Variants in FAF1 observed in about 807,000 individuals in gnomAD.
FAF1 encodes Fas associated factor 1, also known as FAS-associated factor 1.
In FAF1, 25 loss-of-function variants were observed where a neutral mutation model predicts 92.5. That is an observed-to-expected ratio of 0.27 (90% confidence interval 0.20 to 0.38). The LOEUF (loss-of-function observed/expected upper bound fraction) is 0.38, where lower values mean the gene tolerates loss of function less well. Ranked by LOEUF, FAF1 falls within the 10% of genes least tolerant of loss-of-function variation. The pLI is 1.00. For synonymous variants in FAF1, 234 were observed against 273.2 expected, an observed-to-expected ratio of 0.86 and a Z score of 1.42; for missense variants, 636 against 793.3, an observed-to-expected ratio of 0.80 and a Z score of 2.38.
intron 13 of FAF1, among the ~76,000 whole-genome samples, chr1:50,545,620 C>T (rs1648975464): frequency 6.6e-6 from 1 of 151,514 alleles, no homozygotes; most frequent in South Asian, 2.1e-4. Flanking sequence ...ACATTTTTCA[C>T]CTGTCAGATT....
chr1:50,566,581 T>C (rs1650183415), intron 13 of FAF1, among the ~76,000 whole-genome samples: 1 of 152,072 alleles, frequency 6.6e-6, no homozygotes, highest in African/African-American at 2.4e-5. Context: ...TATGGATGTA[T>C]TGTTGGCTGT....
intron 2 of FAF1, among the ~76,000 whole-genome samples, chr1:50,843,884 T>G (rs1644276782): frequency 6.6e-6 from 1 of 152,124 alleles, no homozygotes; most frequent in South Asian, 2.1e-4. Context: ...TTTCCCATAT[T>G]TTGAATATAT....
chr1:50,926,202 A>T (rs1252215268), intron 1 of FAF1, among the ~76,000 whole-genome samples: 1 of 152,166 alleles, frequency 6.6e-6, no homozygotes, highest in African/African-American at 2.4e-5. Context: ...GGGCAACAGA[A>T]AGATCCTGTC....
At chr1:50,481,877 T>C (rs1191215982) in intron 17 of FAF1, among the ~76,000 whole-genome samples, 1 of 151,956 alleles carries the variant, frequency 6.6e-6, no homozygotes, top group African/African-American at 2.4e-5. Context: ...AGGCAGCCAA[T>C]GTGGCGGGAA....
At chr1:50,518,568 G>T (rs1357694280) in intron 15 of FAF1, among the ~76,000 whole-genome samples, 1 of 151,932 alleles carries the variant, frequency 6.6e-6, no homozygotes, top group African/African-American at 2.4e-5. Flanking sequence ...AGCCTCCTGA[G>T]TAGCTGGGAC....
At chr1:50,596,098 G>C in intron 9 of FAF1, 23 bp downstream of exon 9, 1 of 1,579,366 alleles carries the variant, frequency 6.3e-7, no homozygotes. Flanking sequence ...TCTGTTCAAA[G>C]AAAAGCTGGC....
chr1:50,441,479 C>A lies in FAF1; in HGVS notation c.1914G>T (p.Leu638Phe). ...DPNKSLLEVK[L>F]FPQETLFLEA... Reference sequence around the variant, plus strand: ...CAAGGAAAAGGGTTTCTTGAGGGAACAACTTTACCTCCAATAATGATTTAT... The same window carrying A: ...CAAGGAAAAGGGTTTCTTGAGGGAAAAACTTTACCTCCAATAATGATTTAT... The change falls in exon 19 of 19, where the codon TTG becomes TTT. Residue 638 changes from leucine (L) to phenylalanine (F), a missense_variant. Around this residue, in one of 2 missense-constraint regions of FAF1, gnomAD observed 319 missense variants for 451.0 expected, o/e 0.71. Coordinates refer to ENST00000396153, the MANE Select transcript of FAF1 (RefSeq NM_007051.3). 6.5e-7 allele frequency: 1 copy of A among 1,545,984 alleles called. No homozygotes were observed. Among genetic ancestry groups the A allele is most frequent in the South Asian group, 1.2e-5 (1 of 83,626 alleles).
intron 4 of FAF1, among the ~76,000 whole-genome samples, chr1:50,754,346 A>G (rs1006469561): frequency 3.3e-5 from 5 of 152,312 alleles, no homozygotes; most frequent in East Asian, 1.9e-4. Context: ...TTAATCTTGT[A>G]CTAGTACTCT....
chr1:50,862,194 G>A (rs1165082989), intron 1 of FAF1, among the ~76,000 whole-genome samples: 1 of 151,492 alleles, frequency 6.6e-6, no homozygotes, highest in African/African-American at 2.4e-5. Context: ...TACATGTAAA[G>A]TATGCAGAGA....
chr1:50,913,187 G>T (rs1337973415), intron 1 of FAF1, among the ~76,000 whole-genome samples: 1 of 152,154 alleles, frequency 6.6e-6, no homozygotes, highest in Non-Finnish European at 1.5e-5. Context: ...GACTATCATG[G>T]TCAGTGTTAT....
intron 2 of FAF1, among the ~76,000 whole-genome samples, chr1:50,820,862 T>A (rs1464574970): frequency 6.6e-6 from 1 of 152,204 alleles, no homozygotes; most frequent in Non-Finnish European, 1.5e-5. Context: ...TGTGTGTGTG[T>A]GTGTACACAT....
intron 10 of FAF1, among the ~76,000 whole-genome samples, chr1:50,584,418 A>G (rs932023275): frequency 1.3e-5 from 2 of 152,156 alleles, no homozygotes; most frequent in African/African-American, 4.8e-5. Context: ...GTTTAAAGAG[A>G]GACAGTCATA....
chr1:50,457,724 CAAAAAAAA>C (rs35479561), intron 18 of FAF1, among the ~76,000 whole-genome samples: 9 of 56,568 alleles, frequency 1.6e-4, no homozygotes, highest in Non-Finnish European at 2.1e-4. Flanking sequence ...CCCATCTCTG[CAAAAAAAA>C]AAAAAAAAAA....
At chr1:50,610,284 T>C (rs1652629295) in intron 8 of FAF1, among the ~76,000 whole-genome samples, 1 of 152,298 alleles carries the variant, frequency 6.6e-6, no homozygotes, top group Middle Eastern at 3.4e-3. Flanking sequence ...AACCAAACTT[T>C]CAAGCATTTT....
Position 50,653,175 on chromosome 1 carries a change from C to CA in FAF1, c.744+2266dup, listed in dbSNP as rs145320522. 1.1e-3 allele frequency among the ~76,000 whole-genome samples: 163 copies of CA among 146,016 alleles called. 1 individual carries two copies. Among genetic ancestry groups the CA allele is most frequent in the South Asian group, 2.2e-3 (10 of 4,598 alleles). On this transcript the variant is annotated intron_variant, in intron 8 of 18. Transcript: ENST00000396153. ...TTTCTCACTCAAGCAAGAAAAACAACAAAAAAAAAACCACAAGAAAACCAC... is the reference window on the plus strand; with the variant it reads ...TTTCTCACTCAAGCAAGAAAAACAACAAAAAAAAAAACCACAAGAAAACCAC...
chr1:50,556,102 G>A (rs2149049396), intron 13 of FAF1, among the ~76,000 whole-genome samples: 1 of 151,990 alleles, frequency 6.6e-6, no homozygotes, highest in East Asian at 1.9e-4. Flanking sequence ...GCTGGGCTTG[G>A]TGGCGGGCGC....
chr1:50,831,290 A>G (rs1291784042), intron 2 of FAF1, among the ~76,000 whole-genome samples: 1 of 152,204 alleles, frequency 6.6e-6, no homozygotes, highest in African/African-American at 2.4e-5. Flanking sequence ...CTTTTGACCC[A>G]GTGTCTTTAC....
At chr1:50,598,814 C>T (rs1225619273) in intron 8 of FAF1, among the ~76,000 whole-genome samples, 3 of 151,790 alleles carry the variant, frequency 2.0e-5, no homozygotes, top group African/African-American at 7.3e-5. Context: ...CTACTAAATA[C>T]AAAAAATTAG....
At position 50,506,267 on chromosome 1, in the gene FAF1, C is replaced by G. The variant is rs1309027331; in HGVS notation, c.1495-14466G>C. ...TGTTTCAGGTAATGACTCTAATGAACACCTAATCTTAACATAGCTGGCCTT... is the reference window on the plus strand; with the variant it reads ...TGTTTCAGGTAATGACTCTAATGAAGACCTAATCTTAACATAGCTGGCCTT... On this transcript the variant is annotated intron_variant, in intron 15 of 18. Coordinates refer to ENST00000396153, the MANE Select transcript of FAF1 (RefSeq NM_007051.3). 2.0e-5 allele frequency among the ~76,000 whole-genome samples: 3 copies of G among 152,128 alleles called. No homozygotes were observed. In the East Asian group the frequency reaches 5.8e-4, roughly 29 times the overall value.
Sources: gnomAD v4.1 joint callset for allele counts (sites outside exome capture counted in the v4.1 genomes callset) on GRCh38, gnomAD v4.1.1 for gene constraint, gnomAD v4.1.1 regional missense constraint, MANE v1.5 for transcripts, NCBI Gene and HGNC (gene_info 2026-07-23, HGNC 2026-07-21) for gene names.